USP13: variants seen among roughly 807,000 people sequenced by gnomAD.
USP13 encodes the protein ubiquitin specific peptidase 13.
In USP13, 68 loss-of-function variants were observed where a neutral mutation model predicts 107.8. The observed-to-expected ratio is 0.63, with a 90% CI of 0.52 to 0.77. The LOEUF is 0.77. USP13 is among the 30% of genes least tolerant of loss of function. The probability of loss-of-function intolerance (pLI) is 0.00; values close to 1 mark genes in which losing one functional copy is unlikely to be tolerated. For missense variants in USP13, 945 were observed against 1,093.3 expected (o/e 0.86, Z 1.91); for synonymous variants, 377 against 389.5 (o/e 0.97, Z 0.38).
intron 19 of USP13, among the ~76,000 whole-genome samples, chr3:179,774,242 AAGGTATTCATG>A (rs796425096): frequency 8.5e-5 from 13 of 152,278 alleles, no homozygotes; most frequent in African/African-American, 2.9e-4. Context: ...AGAGGGCACC[AAGGTATTCATG>A]AGGGATCCAC....
intron 14 of USP13, among the ~76,000 whole-genome samples, chr3:179,754,219 C>A (rs866586264): frequency 6.6e-6 from 1 of 151,226 alleles, no homozygotes; most frequent in African/African-American, 2.5e-5. Flanking sequence ...CAGAGTAGCA[C>A]AAATATGATG....
intron 2 of USP13, among the ~76,000 whole-genome samples, chr3:179,685,383 A>G (rs373580429): frequency 2.0e-5 from 3 of 152,154 alleles, no homozygotes; most frequent in African/African-American, 7.2e-5. Flanking sequence ...AGTTTCTCTA[A>G]TTTCTCACCT....
rs543374175 is a variant in USP13, at chr3:179,729,241, G to C, written c.1089-948G>C. 3.6e-4 allele frequency among the ~76,000 whole-genome samples: 55 copies of C among 152,262 alleles called. No individual in the cohort carries two copies. In the South Asian group the frequency reaches 0.01, roughly 28 times the overall value. On this transcript the variant is annotated intron_variant, in intron 8 of 20. Coordinates refer to ENST00000263966, the MANE Select transcript of USP13 (RefSeq NM_003940.3). ...AAAGAAGAAACGTCAAGGATTAGCTGTTTCTGGCTACCCAGACTTAATGGG... is the reference window on the plus strand; with the variant it reads ...AAAGAAGAAACGTCAAGGATTAGCTCTTTCTGGCTACCCAGACTTAATGGG...
intron 2 of USP13, among the ~76,000 whole-genome samples, chr3:179,682,257 A>C (rs535804426): frequency 6.6e-6 from 1 of 151,384 alleles, no homozygotes; most frequent in African/African-American, 2.4e-5. Context: ...GAAAAAAAAA[A>C]CCGAAACTAG....
chr3:179,701,017 C>G lies in USP13; in HGVS notation c.365C>G (p.Thr122Ser), dbSNP rs924067522. 26 of 1,613,280 alleles carry G rather than the reference C, an allele frequency of 1.6e-5. No individual in the cohort carries two copies. Among genetic ancestry groups the G allele is most frequent in the Non-Finnish European group, 2.1e-5 (25 of 1,179,796 alleles). The change falls in exon 4 of 21, where the codon ACT (threonine) becomes AGT (serine). Residue 122 changes from threonine to serine, a missense_variant. Coordinates refer to ENST00000263966, the MANE Select transcript of USP13 (RefSeq NM_003940.3). Reference protein sequence around the residue: ...RNSKIFLDLDTDDDLNSDDYE... With the variant: ...RNSKIFLDLDSDDDLNSDDYE... ...TTTGTTTTCTCCTCAGATCTAGATA[C>G]TGATGACGATTTAAATAGCGACGAT...
intron 1 of USP13, among the ~76,000 whole-genome samples, chr3:179,662,660 TAATC>T (rs917508008): frequency 3.3e-4 from 50 of 152,334 alleles, no homozygotes; most frequent in African/African-American, 1.2e-3. Flanking sequence ...TCTAAAATCA[TAATC>T]AAGAAGTCAC....
intron 3 of USP13, among the ~76,000 whole-genome samples, chr3:179,691,531 T>G (rs140948588): frequency 6.6e-6 from 1 of 152,226 alleles, no homozygotes; most frequent in African/African-American, 2.4e-5. Flanking sequence ...TCTTAGTGCA[T>G]GGTATCAGGG....
intron 19 of USP13, among the ~76,000 whole-genome samples, chr3:179,777,474 A>C (rs2108552830): frequency 7.5e-6 from 1 of 133,394 alleles, no homozygotes; most frequent in East Asian, 2.2e-4. Context: ...CTTTTTTGAG[A>C]CAGAGTCTCA....
At chr3:179,764,214 T>TGA in intron 18 of USP13, 46 bp downstream of exon 18, 3 of 1,484,534 alleles carry the variant, frequency 2.0e-6, no homozygotes, top group Middle Eastern at 2.1e-4. Context: ...TGTGTGTGTG[T>TGA]GAATTTATTT....
intron 13 of USP13, among the ~76,000 whole-genome samples, chr3:179,746,550 A>G (rs1714415505): frequency 6.6e-6 from 1 of 151,982 alleles, no homozygotes. Flanking sequence ...CTCCTGCCTC[A>G]GCTTCCCGAG....
In USP13 at chr3:179,775,616, T is replaced by G. The variant is rs921738304; in HGVS notation, c.2414-6123T>G. Among the ~76,000 whole-genome samples, 7 of 152,150 alleles carry G rather than the reference T, an allele frequency of 4.6e-5. No individual in the cohort carries two copies. In the South Asian group the frequency reaches 8.3e-4, roughly 18 times the overall value. Reference sequence around the variant, plus strand: ...TGGGCCATGCAGGAGCCCACCACGGTGGGGGCTCAGGCATGGCAGGCTGCA... The same window carrying G: ...TGGGCCATGCAGGAGCCCACCACGGGGGGGGCTCAGGCATGGCAGGCTGCA... On this transcript the variant is annotated intron_variant, in intron 19 of 20. Transcript: ENST00000263966.
chr3:179,700,239 C>T (rs1288346547), intron 3 of USP13, among the ~76,000 whole-genome samples: 3 of 152,124 alleles, frequency 2.0e-5, no homozygotes, highest in Non-Finnish European at 4.4e-5. Flanking sequence ...GAATTCTCCA[C>T]AGCTGAGGAC....
At chr3:179,738,892 C>T (rs886944816) in intron 10 of USP13, among the ~76,000 whole-genome samples, 8 of 152,160 alleles carry the variant, frequency 5.3e-5, no homozygotes, top group Non-Finnish European at 1.0e-4. Context: ...TTGCCTCTTT[C>T]CACCCGCTGC....
chr3:179,763,950 CAA>C (rs556912091), intron 17 of USP13, 50 bp from the exon 18 acceptor site: 52,433 of 1,158,946 alleles, frequency 0.045, no homozygotes, highest in East Asian at 0.058. Flanking sequence ...TGTTTCAGGA[CAA>C]AAAAAAAAAA....
Position 179,761,372 on chromosome 3 carries a change from T to C in USP13, c.2092+117T>C, listed in dbSNP as rs1182808944. On this transcript the variant is annotated intron_variant, in intron 17 of 20. Coordinates refer to ENST00000263966, the MANE Select transcript of USP13 (RefSeq NM_003940.3). ...CCCTAGAAAATGACTTTATAGTTCC[T>C]AATCTCCTGCAGTGGAGGAGAAAGC... 7.5e-6 allele frequency: 10 copies of C among 1,340,340 alleles called. No homozygotes were observed. The Admixed American group carries it at 1.3e-4, about 17-fold the overall frequency. 83.0% of individuals were successfully genotyped at this position (1,340,340 alleles called of 1,614,324 possible).
chr3:179,687,685 A>AAAAAAAAAAAAT, intron 2 of USP13, among the ~76,000 whole-genome samples: 1 of 144,792 alleles, frequency 6.9e-6, no homozygotes, highest in East Asian at 2.0e-4. Flanking sequence ...AAAAAAAAAA[A>AAAAAAAAAAAAT]GGACTAGTGC....
At chr3:179,745,258 G>C in intron 13 of USP13, 41 bp downstream of exon 13, 1 of 1,587,148 alleles carries the variant, frequency 6.3e-7, no homozygotes, top group Non-Finnish European at 8.6e-7. Context: ...GTGAGGAGGG[G>C]CCTTGAGGGG....
At chr3:179,659,673 A>G (rs1370404055) in intron 1 of USP13, among the ~76,000 whole-genome samples, 2 of 152,322 alleles carry the variant, frequency 1.3e-5, no homozygotes, top group Non-Finnish European at 2.9e-5. Flanking sequence ...CTCAAGTACA[A>G]AGATCACCCA....
intron 2 of USP13, among the ~76,000 whole-genome samples, chr3:179,684,264 A>G (rs917946325): frequency 3.3e-5 from 3 of 90,682 alleles, no homozygotes; most frequent in Admixed American, 2.6e-4. Flanking sequence ...TGGCAGTATC[A>G]CCCTTTACAC....
Sources: allele counts gnomAD v4.1 joint callset (sites outside exome capture counted in the v4.1 genomes callset), GRCh38; gene constraint gnomAD v4.1.1; transcripts MANE v1.5; gene names NCBI Gene and HGNC (gene_info 2026-07-23, HGNC 2026-07-21).